The following PTPRT variants were observed in gnomAD, a reference collection of about 807,000 sequenced individuals.
PTPRT encodes the protein protein tyrosine phosphatase receptor type T.
Under a neutral mutation model 176.8 loss-of-function variants are expected in PTPRT, and 56 were observed. That is an observed-to-expected ratio of 0.32 (90% CI 0.26 to 0.40). The LOEUF (loss-of-function observed/expected upper bound fraction) is 0.40. Among genes scored for constraint, PTPRT ranks in the 10% least tolerant of loss-of-function variants. PTPRT has a pLI of 1.00. For synonymous variants in PTPRT, 783 were observed against 739.0 expected, an observed-to-expected ratio of 1.06 and a Z score of -0.96; for missense variants, 1,540 against 1,908.2, an observed-to-expected ratio of 0.81 and a Z score of 3.60.
chr20:42,998,108 G>A (rs1984329898), intron 1 of PTPRT, among the ~76,000 whole-genome samples: 1 of 152,154 alleles, frequency 6.6e-6, no homozygotes, highest in Non-Finnish European at 1.5e-5. Flanking sequence ...CAAGGGAAAA[G>A]CTACCCCCTC....
intron 13 of PTPRT, among the ~76,000 whole-genome samples, chr20:42,267,113 T>A (rs1348172510): frequency 6.6e-6 from 1 of 152,170 alleles, no homozygotes; most frequent in Non-Finnish European, 1.5e-5. Context: ...GTAATACCTG[T>A]TCAGCAGAGA....
At chr20:43,101,183 C>T (rs1215469141) in intron 1 of PTPRT, among the ~76,000 whole-genome samples, 2 of 152,066 alleles carry the variant, frequency 1.3e-5, no homozygotes, top group Non-Finnish European at 2.9e-5. Flanking sequence ...TCAAGTGCTC[C>T]GAACCTCAGT....
chr20:42,866,332 C>T (rs999780681), intron 2 of PTPRT, among the ~76,000 whole-genome samples: 10 of 152,178 alleles, frequency 6.6e-5, no homozygotes, highest in African/African-American at 2.2e-4. Context: ...ACCCACGTGG[C>T]TTGGCTAGAG....
intron 7 of PTPRT, among the ~76,000 whole-genome samples, chr20:42,513,156 G>A (rs2071989303): frequency 6.6e-6 from 1 of 151,392 alleles, no homozygotes; most frequent in Non-Finnish European, 1.5e-5. Context: ...TACCATACCC[G>A]ACCTAATGTT....
At chr20:42,811,915 C>G (rs1007288036) in intron 2 of PTPRT, among the ~76,000 whole-genome samples, 7 of 152,152 alleles carry the variant, frequency 4.6e-5, no homozygotes, top group Non-Finnish European at 8.8e-5. Context: ...GGATATTACA[C>G]TGCCTGAGTA....
intron 11 of PTPRT, among the ~76,000 whole-genome samples, chr20:42,345,819 T>C (rs1380523818): frequency 3.3e-5 from 5 of 152,010 alleles, no homozygotes; most frequent in Admixed American, 2.6e-4. Context: ...TATAGGTCAC[T>C]GTTGAGTAAA....
chr20:43,136,403 G>A (rs1000458912), intron 1 of PTPRT, among the ~76,000 whole-genome samples: 4 of 152,168 alleles, frequency 2.6e-5, no homozygotes, highest in Admixed American at 2.6e-4. Context: ...CTAAATAAAT[G>A]ACTGAATCAT....
At chr20:42,105,943 G>A (rs1430824744) in intron 24 of PTPRT, among the ~76,000 whole-genome samples, 1 of 152,200 alleles carries the variant, frequency 6.6e-6, no homozygotes, top group African/African-American at 2.4e-5. Flanking sequence ...GCTCGTTACA[G>A]GAATGATAAG....
intron 7 of PTPRT, among the ~76,000 whole-genome samples, chr20:42,571,524 C>G (rs2073153506): frequency 6.6e-6 from 1 of 152,248 alleles, no homozygotes; most frequent in Admixed American, 6.5e-5. Flanking sequence ...GATTTCAAAC[C>G]ACTACGTTTG....
At chr20:42,562,393 A>G (rs1417448377) in intron 7 of PTPRT, among the ~76,000 whole-genome samples, 3 of 152,226 alleles carry the variant, frequency 2.0e-5, no homozygotes, top group African/African-American at 4.8e-5. Context: ...TGTTCAACAT[A>G]TAAGTTTTGA....
intron 15 of PTPRT, among the ~76,000 whole-genome samples, chr20:42,220,742 AC>A (rs1486497124): frequency 6.6e-6 from 1 of 152,140 alleles, no homozygotes; most frequent in African/African-American, 2.4e-5. Context: ...CCAAGGTACA[AC>A]CCTTTTTATA....
chr20:42,850,134 C>A (rs1305206442), intron 2 of PTPRT, among the ~76,000 whole-genome samples: 1 of 152,204 alleles, frequency 6.6e-6, no homozygotes, highest in Non-Finnish European at 1.5e-5. Flanking sequence ...CTAATCAAAG[C>A]AAGTTCCCCC....
intron 4 of PTPRT, among the ~76,000 whole-genome samples, chr20:42,776,705 T>C (rs2077140782): frequency 1.3e-5 from 2 of 149,958 alleles, no homozygotes; most frequent in South Asian, 4.2e-4. Context: ...TCATATCATA[T>C]AATTATATAA....
chr20:42,985,472 C>T (rs975962666), intron 1 of PTPRT, among the ~76,000 whole-genome samples: 10 of 152,042 alleles, frequency 6.6e-5, no homozygotes, highest in African/African-American at 2.4e-4. Context: ...CCAGCCTGGG[C>T]AACAGAGTGA....
intron 2 of PTPRT, among the ~76,000 whole-genome samples, chr20:42,837,675 G>T (rs1190944592): frequency 6.6e-6 from 1 of 152,106 alleles, no homozygotes; most frequent in African/African-American, 2.4e-5. Flanking sequence ...TCCATTGCTG[G>T]GTCCTCAGAG....
At chr20:42,653,125 A>G (rs1048301817) in intron 7 of PTPRT, among the ~76,000 whole-genome samples, 1 of 152,142 alleles carries the variant, frequency 6.6e-6, no homozygotes, top group African/African-American at 2.4e-5. Context: ...TGAACCATAG[A>G]GGCGGTTACC....
At chr20:42,614,587 C>T (rs1459674467) in intron 7 of PTPRT, among the ~76,000 whole-genome samples, 1 of 152,138 alleles carries the variant, frequency 6.6e-6, no homozygotes, top group Admixed American at 6.5e-5. Flanking sequence ...TTTCACCATG[C>T]TCCTCTATTC....
At chr20:42,497,115 A>T (rs1309838056) in intron 7 of PTPRT, among the ~76,000 whole-genome samples, 1 of 152,198 alleles carries the variant, frequency 6.6e-6, no homozygotes, top group Non-Finnish European at 1.5e-5. Context: ...TTGTACAATC[A>T]GAAGTCTAGC....
At chr20:42,436,119 A>G (rs920181600) in intron 9 of PTPRT, among the ~76,000 whole-genome samples, 3 of 152,238 alleles carry the variant, frequency 2.0e-5, no homozygotes, top group Non-Finnish European at 4.4e-5. Flanking sequence ...TCAAAAACTT[A>G]AATTTCAGGA....
Sources: gnomAD v4.1 joint callset for allele counts (sites outside exome capture counted in the v4.1 genomes callset) on GRCh38, gnomAD v4.1.1 for gene constraint, MANE v1.5 for transcripts, NCBI Gene and HGNC (gene_info 2026-07-23, HGNC 2026-07-21) for gene names.